Variants in ABI1 observed in about 807,000 individuals in gnomAD.
ABI1 encodes abl interactor 1, also known as Abelson interactor 1.
Under a neutral mutation model 54.6 loss-of-function variants are expected in ABI1, and 14 were observed. The observed-to-expected ratio is 0.26, with a 90% CI of 0.17 to 0.40. ABI1 has a LOEUF of 0.40. ABI1 is among the 10% of genes least tolerant of loss of function. The pLI, the probability that ABI1 is intolerant of heterozygous loss-of-function variation, is 1.00. For synonymous variants in ABI1, 194 were observed against 209.3 expected, an observed-to-expected ratio of 0.93 and a Z score of 0.63; for missense variants, 443 against 598.3, an observed-to-expected ratio of 0.74 and a Z score of 2.71.
At chr10:26,755,838 T>C (rs1207712773) in intron 8 of ABI1, 97 bp from the exon 9 acceptor site, 8 of 780,716 alleles carry the variant, frequency 1.0e-5, no homozygotes, top group Admixed American at 2.8e-5. Flanking sequence ...ACCACAAACA[T>C]AAGTATGCAA....
intron 2 of ABI1, among the ~76,000 whole-genome samples, chr10:26,804,817 T>C (rs1002841187): frequency 6.6e-6 from 1 of 152,330 alleles, no homozygotes; most frequent in East Asian, 1.9e-4. Flanking sequence ...CACTGTCTTA[T>C]TCTTTCCATA....
At chr10:26,792,159 G>A (rs1051040081) in intron 2 of ABI1, among the ~76,000 whole-genome samples, 2 of 152,180 alleles carry the variant, frequency 1.3e-5, no homozygotes, top group East Asian at 1.9e-4. Context: ...GAAGTATACA[G>A]AGAAAAGAAA....
At chr10:26,772,054 A>C (rs1840760612) in intron 3 of ABI1, among the ~76,000 whole-genome samples, 1 of 152,050 alleles carries the variant, frequency 6.6e-6, no homozygotes, top group East Asian at 1.9e-4. Flanking sequence ...AGGTGGCCAC[A>C]AGGCAGTATC....
chr10:26,858,537 GAAA>G (rs60132421), intron 1 of ABI1, among the ~76,000 whole-genome samples: 2,958 of 93,974 alleles, frequency 0.031, 23 homozygotes, highest in East Asian at 0.075. Context: ...CACAAAAAAA[GAAA>G]AAAAAAAAAA....
Position 26,814,113 on chromosome 10 carries a change from G to T in ABI1, c.285+9025C>A, listed in dbSNP as rs558914516. 2.0e-5 allele frequency among the ~76,000 whole-genome samples: 3 copies of T among 152,226 alleles called. No individual in the cohort carries two copies. The South Asian group carries it at 6.2e-4, about 32-fold the overall frequency. On this transcript the variant is annotated intron_variant, in intron 2 of 10. Transcript: ENST00000376140. ...CCTAAAAGATGCAGTTACTTTGAAG[G>T]TTTGTTATATAAGGTTTTGTGAGCC... is the stretch of plus-strand genomic sequence containing the variant.
intron 2 of ABI1, among the ~76,000 whole-genome samples, chr10:26,821,370 C>T (rs934516303): frequency 5.9e-5 from 9 of 151,368 alleles, no homozygotes; most frequent in Admixed American, 4.6e-4. Context: ...ATTAATAAGG[C>T]CAAAGATGTT....
intron 1 of ABI1, among the ~76,000 whole-genome samples, chr10:26,844,938 C>G (rs1343107641): frequency 3.9e-5 from 6 of 152,174 alleles, no homozygotes; most frequent in Non-Finnish European, 8.8e-5. Flanking sequence ...CATCCAGTCT[C>G]TCCCTTCTCC....
intron 1 of ABI1, among the ~76,000 whole-genome samples, chr10:26,842,537 A>C (rs2049601491): frequency 6.6e-6 from 1 of 152,174 alleles, no homozygotes; most frequent in Non-Finnish European, 1.5e-5. Context: ...TTTTTAAAAA[A>C]TTCCAGAGCC....
intron 2 of ABI1, among the ~76,000 whole-genome samples, chr10:26,785,447 T>A (rs2133075329): frequency 6.6e-6 from 1 of 152,030 alleles, no homozygotes; most frequent in South Asian, 2.1e-4. Context: ...TCCAGTTGGG[T>A]GTGGTGGCTC....
At chr10:26,854,730 T>G (rs575047411) in intron 1 of ABI1, among the ~76,000 whole-genome samples, 1 of 152,236 alleles carries the variant, frequency 6.6e-6, no homozygotes. Context: ...CAGTCTATCC[T>G]CATCTCCTGA....
chr10:26,846,840 ACT>A (rs1325523455), intron 1 of ABI1, among the ~76,000 whole-genome samples: 2 of 151,996 alleles, frequency 1.3e-5, no homozygotes, highest in African/African-American at 2.4e-5. Flanking sequence ...CCACAGAGAC[ACT>A]GTTTTCCCTT....
intron 1 of ABI1, among the ~76,000 whole-genome samples, chr10:26,842,785 G>T (rs1024212383): frequency 6.6e-6 from 1 of 152,112 alleles, no homozygotes; most frequent in Non-Finnish European, 1.5e-5. Context: ...AGTGGCTCAC[G>T]CCTGTAATCC....
intron 2 of ABI1, among the ~76,000 whole-genome samples, chr10:26,805,420 TAA>T (rs79088128): frequency 1.2e-4 from 16 of 134,116 alleles, no homozygotes; most frequent in Admixed American, 1.5e-4. Context: ...ACTTTTTATT[TAA>T]AAAAAAAAAA....
chr10:26,786,331 A>C (rs927083136), intron 2 of ABI1, among the ~76,000 whole-genome samples: 1 of 151,270 alleles, frequency 6.6e-6, no homozygotes, highest in African/African-American at 2.4e-5. Context: ...CTCATGTCTC[A>C]TGACTCCCGA....
chr10:26,756,660 G>A (rs896533253), intron 8 of ABI1, among the ~76,000 whole-genome samples: 12 of 152,124 alleles, frequency 7.9e-5, no homozygotes, highest in Admixed American at 7.9e-4. Flanking sequence ...ACATTCATAT[G>A]TTTGTGACTT....
rs1838787548 is a variant in ABI1, at chr10:26,759,312, C to T, written c.821-74G>A. 3 of 1,246,274 alleles carry T rather than the reference C, an allele frequency of 2.4e-6. No homozygotes were observed. The East Asian group carries it at 7.5e-5, about 31-fold the overall frequency. 77.2% of individuals were successfully genotyped at this position (1,246,274 alleles called of 1,614,324 possible). On this transcript the variant is annotated intron_variant, in intron 7 of 10. Transcript: ENST00000376140. Reference sequence around the variant, plus strand: ...AATCACCTTAGATGGCAGAACAAAGCAGGAGGGGGCCTCAGTAAGAAATAT... The same window carrying T: ...AATCACCTTAGATGGCAGAACAAAGTAGGAGGGGGCCTCAGTAAGAAATAT...
chr10:26,770,836 TA>T (rs1245269934), intron 4 of ABI1, among the ~76,000 whole-genome samples: 1 of 152,144 alleles, frequency 6.6e-6, no homozygotes, highest in Non-Finnish European at 1.5e-5. Flanking sequence ...AGCAAAGCAA[TA>T]AATGTTAGCA....
chr10:26,834,842 C>T (rs1489193208), intron 1 of ABI1, among the ~76,000 whole-genome samples: 1 of 152,054 alleles, frequency 6.6e-6, no homozygotes, highest in Non-Finnish European at 1.5e-5. Flanking sequence ...GTAGCTCATG[C>T]CTGTAATCCC....
At position 26,747,199 on chromosome 10, in the gene ABI1, C is replaced by A; in HGVS notation, c.*1371G>T. ...ACTGTAATTTGAATTCCAAACAAATCCTCAATAACACAGAAACCCACACTT... is the reference window on the plus strand; with the variant it reads ...ACTGTAATTTGAATTCCAAACAAATACTCAATAACACAGAAACCCACACTT... On this transcript the variant is annotated 3_prime_UTR_variant, in exon 11 of 11. Coordinates refer to ENST00000376140, the MANE Select transcript of ABI1 (RefSeq NM_001012750.3). 4.4e-6 allele frequency: 1 copy of A among 224,766 alleles called. No individual in the cohort carries two copies. The highest frequency in any genetic ancestry group is 8.9e-6 in the Non-Finnish European group (1 of 112,790). The allele number at this position is 224,766 out of a possible 1,614,324, so 13.9% of individuals were successfully genotyped here.
Sources: allele counts gnomAD v4.1 joint callset (sites outside exome capture counted in the v4.1 genomes callset), GRCh38; gene constraint gnomAD v4.1.1; transcripts MANE v1.5; gene names NCBI Gene and HGNC (gene_info 2026-07-23, HGNC 2026-07-21).